Variants in DAB1 observed in about 807,000 individuals in gnomAD.
The protein encoded by DAB1 is DAB adaptor protein 1, also known as disabled homolog 1.
DAB1 carries 15 observed loss-of-function variants against 64.6 expected under a neutral mutation model. The ratio of observed to expected loss-of-function variants is 0.23; its 90% CI spans 0.16 to 0.36. The LOEUF is 0.36. Ranked by LOEUF, DAB1 falls within the 10% of genes least tolerant of loss-of-function variation. The pLI is 1.00. For synonymous variants in DAB1, 235 were observed against 251.9 expected (o/e 0.93, Z 0.64); for missense variants, 596 against 706.7 (o/e 0.84, Z 1.78).
intron 5 of DAB1, among the ~76,000 whole-genome samples, chr1:58,107,618 T>C (rs1651738351): frequency 6.6e-6 from 1 of 151,744 alleles, no homozygotes; most frequent in South Asian, 2.1e-4. Context: ...TTTGTTTTTG[T>C]TTTTGTTTTG....
In DAB1 at chr1:57,962,690, A is replaced by T. The variant is rs551402978; in HGVS notation, n.388-78528T>A. Among the ~76,000 whole-genome samples, 38 of 151,588 alleles carry T rather than the reference A, an allele frequency of 2.5e-4. No homozygotes were observed. The South Asian group carries it at 7.9e-3, about 32-fold the overall frequency. ...AGTTCAAGACCGGCCTGGATAACAT[A>T]ATCTCTACAATTTTTTTTTTTAATT... is the stretch of plus-strand genomic sequence containing the variant. On this transcript the variant is annotated intron_variant and non_coding_transcript_variant, in intron 5 of 20. Transcript: ENST00000485760.
At chr1:57,773,711 C>A (rs1235975544) in intron 6 of DAB1, among the ~76,000 whole-genome samples, 1 of 151,796 alleles carries the variant, frequency 6.6e-6, no homozygotes, top group Non-Finnish European at 1.5e-5. Context: ...TAGTACTTTT[C>A]TTTTTCATAT....
chr1:58,002,899 T>C (rs1352142788), intron 5 of DAB1, among the ~76,000 whole-genome samples: 1 of 152,220 alleles, frequency 6.6e-6, no homozygotes, highest in African/African-American at 2.4e-5. Context: ...GAGTCCTTTT[T>C]TTAAAATCTG....
At chr1:57,084,620 G>A (rs561249540) in intron 4 of DAB1, among the ~76,000 whole-genome samples, 16 of 152,278 alleles carry the variant, frequency 1.1e-4, no homozygotes, top group East Asian at 3.9e-4. Flanking sequence ...TACGTATTTC[G>A]TCTTTCTGCT....
chr1:58,218,526 G>C (rs773469341), intron 4 of DAB1, among the ~76,000 whole-genome samples: 26 of 152,138 alleles, frequency 1.7e-4, no homozygotes, highest in Admixed American at 5.9e-4. Flanking sequence ...GTGCAGGAGA[G>C]TGAGGAGGCC....
intron 4 of DAB1, among the ~76,000 whole-genome samples, chr1:57,089,299 T>C (rs1299935773): frequency 6.6e-6 from 1 of 152,170 alleles, no homozygotes; most frequent in African/African-American, 2.4e-5. Flanking sequence ...AGTTAATGCT[T>C]AGTAAGTGTT....
At chr1:57,863,731 T>A (rs1383541631) in intron 1 of DAB1, among the ~76,000 whole-genome samples, 1 of 152,070 alleles carries the variant, frequency 6.6e-6, no homozygotes, top group African/African-American at 2.4e-5. Flanking sequence ...GTGGGTAGCA[T>A]TTAAAGAGGA....
chr1:58,237,781 A>G (rs1470244846), intron 4 of DAB1, among the ~76,000 whole-genome samples: 1 of 152,192 alleles, frequency 6.6e-6, no homozygotes, highest in African/African-American at 2.4e-5. Flanking sequence ...GTTCTATAGC[A>G]AATAGAAATG....
chr1:57,814,623 A>G (rs145872186), intron 6 of DAB1, among the ~76,000 whole-genome samples: 4 of 152,186 alleles, frequency 2.6e-5, no homozygotes, highest in African/African-American at 9.7e-5. Context: ...GCCCAAGAGG[A>G]GGCAATTCCA....
intron 6 of DAB1, among the ~76,000 whole-genome samples, chr1:57,757,442 A>C (rs1027747045): frequency 1.3e-5 from 2 of 151,960 alleles, no homozygotes; most frequent in Non-Finnish European, 2.9e-5. Flanking sequence ...CTGAAGACTT[A>C]AAGGGTGAAT....
intron 4 of DAB1, among the ~76,000 whole-genome samples, chr1:57,092,712 T>G (rs370946006): frequency 7.4e-6 from 1 of 135,668 alleles, no homozygotes; most frequent in African/African-American, 2.8e-5. Flanking sequence ...AACAACATGG[T>G]GTGCCAGGTG....
intron 2 of DAB1, among the ~76,000 whole-genome samples, chr1:57,287,708 A>T (rs1458963501): frequency 2.6e-5 from 4 of 152,190 alleles, no homozygotes; most frequent in Non-Finnish European, 5.9e-5. Flanking sequence ...GTTTAATGAA[A>T]TACTATTACA....
At chr1:57,062,720 C>A (rs925667467) in intron 9 of DAB1, among the ~76,000 whole-genome samples, 164 bp downstream of exon 9, 1 of 152,124 alleles carries the variant, frequency 6.6e-6, no homozygotes, top group African/African-American at 2.4e-5. Flanking sequence ...CCTCATGTCT[C>A]CTTCCTCTGG....
intron 1 of DAB1, among the ~76,000 whole-genome samples, chr1:57,336,527 T>G (rs1299977283): frequency 6.6e-6 from 1 of 152,192 alleles, no homozygotes; most frequent in Non-Finnish European, 1.5e-5. Flanking sequence ...TTGATTCCTG[T>G]GTGTCAGGCA....
chr1:57,723,311 T>C (rs996881978), intron 6 of DAB1, among the ~76,000 whole-genome samples: 1 of 152,224 alleles, frequency 6.6e-6, no homozygotes, highest in Non-Finnish European at 1.5e-5. Context: ...TCAACAAATG[T>C]CAGCTATTAC....
intron 3 of DAB1, among the ~76,000 whole-genome samples, chr1:58,433,621 T>TTTG (rs1644909010): frequency 1.1e-5 from 1 of 93,606 alleles, no homozygotes; most frequent in Non-Finnish European, 2.3e-5. Context: ...GTGTGTGTGT[T>TTTG]TGTGTGTGTG....
At chr1:57,576,023 C>T (rs1216272435) in intron 7 of DAB1, among the ~76,000 whole-genome samples, 1 of 152,122 alleles carries the variant, frequency 6.6e-6, no homozygotes, top group Non-Finnish European at 1.5e-5. Context: ...TACAGGCAGT[C>T]CCCAACTTAA....
chr1:57,874,661 C>T (rs1028308173), intron 1 of DAB1, among the ~76,000 whole-genome samples: 1 of 152,094 alleles, frequency 6.6e-6, no homozygotes, highest in African/African-American at 2.4e-5. Flanking sequence ...GGGAGCATGA[C>T]AAGATTTCTA....
At chr1:57,788,590 T>C (rs1650445248) in intron 6 of DAB1, among the ~76,000 whole-genome samples, 2 of 152,156 alleles carry the variant, frequency 1.3e-5, no homozygotes, top group East Asian at 1.9e-4. Flanking sequence ...AGTTATTCTA[T>C]GTATTTCCCA....
Sources: allele counts gnomAD v4.1 joint callset (sites outside exome capture counted in the v4.1 genomes callset), GRCh38; gene constraint gnomAD v4.1.1; transcripts MANE v1.5; gene names NCBI Gene and HGNC (gene_info 2026-07-23, HGNC 2026-07-21).